TVP23C: variants seen among roughly 807,000 people sequenced by gnomAD.
TVP23C encodes the protein Golgi apparatus membrane protein TVP23 homolog C.
A neutral mutation model predicts 28.7 loss-of-function variants in TVP23C; 19 were observed. That is an observed-to-expected ratio of 0.66 (90% CI 0.46 to 0.97). TVP23C has a LOEUF of 0.97. Ranked by LOEUF, TVP23C falls within the 50% of genes least tolerant of loss-of-function variation. TVP23C has a pLI of 0.00. For synonymous variants in TVP23C, 68 were observed against 81.7 expected, an observed-to-expected ratio of 0.83 and a Z score of 0.90; for missense variants, 186 against 241.3, an observed-to-expected ratio of 0.77 and a Z score of 1.52.
chr17:15,503,173 G>A (rs751655930), exon 6 of TVP23C: 5 of 1,585,754 alleles, frequency 3.2e-6, no homozygotes, highest in Non-Finnish European at 2.6e-6. Flanking sequence ...AGGCGGAAGC[G>A]GGAGGATCTC....
chr17:15,559,020 C>T (rs1180127670), intron 1 of TVP23C, among the ~76,000 whole-genome samples: 2 of 123,732 alleles, frequency 1.6e-5, no homozygotes, highest in African/African-American at 5.1e-5. Context: ...GAAATAGGGT[C>T]TCGTTATGTT....
At chr17:15,512,152 T>C (rs990858642) in intron 5 of TVP23C, among the ~76,000 whole-genome samples, 15 of 152,212 alleles carry the variant, frequency 9.9e-5, no homozygotes, top group Non-Finnish European at 1.8e-4. Flanking sequence ...ACATGGTTAT[T>C]GGAAGGACCA....
chr17:15,555,043 A>T (rs538598362), intron 2 of TVP23C, among the ~76,000 whole-genome samples: 1 of 152,268 alleles, frequency 6.6e-6, no homozygotes, highest in Non-Finnish European at 1.5e-5. Context: ...GCACAGAATT[A>T]AAAACACAGG....
At chr17:15,526,427 C>T (rs1982730972) in intron 5 of TVP23C, among the ~76,000 whole-genome samples, 1 of 152,140 alleles carries the variant, frequency 6.6e-6, no homozygotes, top group Non-Finnish European at 1.5e-5. Flanking sequence ...CAGGGTTTGC[C>T]GAGATCAGGA....
Position 15,560,394 on chromosome 17 carries a change from G to A in TVP23C, c.12+3043C>T, listed in dbSNP as rs535647035. On this transcript the variant is annotated intron_variant, in intron 1 of 5. Transcript: ENST00000518321. ...ACTGTATTTTTAACAGGTCATCGGG[G>A]AACTCAGTAAGAGCAGTTCCAGTAC... Among the ~76,000 whole-genome samples, 6 of 149,382 alleles carry A rather than the reference G, an allele frequency of 4.0e-5. No homozygotes were observed. In the East Asian group the frequency reaches 1.2e-3, roughly 29 times the overall value.
chr17:15,548,891 A>G (rs1262815747), intron 3 of TVP23C, among the ~76,000 whole-genome samples: 3 of 152,246 alleles, frequency 2.0e-5, no homozygotes, highest in Non-Finnish European at 2.9e-5. Context: ...TAGAACAATT[A>G]TAACAACATA....
chr17:15,524,711 A>ACCCC (rs199792749), intron 5 of TVP23C, among the ~76,000 whole-genome samples: 39,407 of 151,834 alleles, frequency 0.26, 5,822 homozygotes, highest in African/African-American at 0.41. Flanking sequence ...TCCCAGAGGG[A>ACCCC]TGCACACAGT....
At chr17:15,554,306 C>G (rs1285150985) in intron 2 of TVP23C, among the ~76,000 whole-genome samples, 4 of 145,192 alleles carry the variant, frequency 2.8e-5, no homozygotes, top group Non-Finnish European at 6.0e-5. Flanking sequence ...GGCGCAATCT[C>G]GGCTCACTGC....
At chr17:15,549,736 A>C (rs1361973148) in intron 3 of TVP23C, among the ~76,000 whole-genome samples, 3 of 152,138 alleles carry the variant, frequency 2.0e-5, no homozygotes, top group Non-Finnish European at 4.4e-5. Flanking sequence ...AACGTCAAGA[A>C]GACACATGGA....
intron 1 of TVP23C, among the ~76,000 whole-genome samples, chr17:15,560,618 C>T (rs1329055488): frequency 6.7e-6 from 1 of 148,564 alleles, no homozygotes; most frequent in African/African-American, 2.4e-5. Context: ...TGCAGTGGCA[C>T]GATCTCGGCT....
intron 5 of TVP23C, chr17:15,503,276 G>A: frequency 1.2e-5 from 18 of 1,445,644 alleles, no homozygotes; most frequent in Non-Finnish European, 1.6e-5. Flanking sequence ...GTGTAGTGGC[G>A]CGCCTGTGGT....
exon 6 of TVP23C, chr17:15,502,798 C>T (rs1981519978): frequency 6.8e-7 from 1 of 1,462,356 alleles, no homozygotes; most frequent in East Asian, 2.3e-5. Flanking sequence ...TCTCTCCTCT[C>T]TCCTCTCTCT....
intron 5 of TVP23C, among the ~76,000 whole-genome samples, chr17:15,520,292 A>G (rs1206645969): frequency 1.3e-5 from 2 of 149,978 alleles, no homozygotes; most frequent in African/African-American, 5.0e-5. Flanking sequence ...ATTGCCCCTC[A>G]GTCTTCCCTA....
At chr17:15,517,740 TC>T (rs1487780706) in intron 5 of TVP23C, among the ~76,000 whole-genome samples, 1 of 152,004 alleles carries the variant, frequency 6.6e-6, no homozygotes, top group African/African-American at 2.4e-5. Flanking sequence ...GGAAGCCACA[TC>T]CGATAAAGGT....
chr17:15,513,475 T>C (rs892474682), intron 5 of TVP23C, among the ~76,000 whole-genome samples: 2 of 152,174 alleles, frequency 1.3e-5, no homozygotes, highest in South Asian at 2.1e-4. Flanking sequence ...CAGCCTGAGA[T>C]GGGGGATTGA....
chr17:15,546,492 GCC>G (rs1409807715), intron 4 of TVP23C, among the ~76,000 whole-genome samples: 1 of 151,634 alleles, frequency 6.6e-6, no homozygotes, highest in Non-Finnish European at 1.5e-5. Context: ...GTGTACTGTC[GCC>G]AAGAATTTGG....
intron 3 of TVP23C, among the ~76,000 whole-genome samples, chr17:15,549,866 G>A (rs990499529): frequency 3.3e-5 from 5 of 151,666 alleles, no homozygotes; most frequent in African/African-American, 9.7e-5. Context: ...GGGAATACAG[G>A]AGAAGAAAAG....
chr17:15,555,405 C>T lies in TVP23C; in HGVS notation c.13-41G>A, dbSNP rs950084461. The T allele has an allele frequency of 4.3e-6, 7 of 1,613,436 alleles. No homozygotes were observed. The African/African-American group carries it at 5.3e-5, about 12-fold the overall frequency. On this transcript the variant is annotated intron_variant, in intron 1 of 5. Coordinates refer to ENST00000518321, the MANE Select transcript of TVP23C (RefSeq NM_001135036.2). ...AATGGTCAAGAAGCAAAACAAAATT[C>T]AGTGTTTACACAGCCACTGCAATGC...
exon 6 of TVP23C, chr17:15,503,171 G>T (rs1981562089): frequency 1.9e-6 from 3 of 1,588,026 alleles, no homozygotes; most frequent in Non-Finnish European, 2.6e-6. Flanking sequence ...GAAGGCGGAA[G>T]CGGGAGGATC....
Sources: gnomAD v4.1 joint callset for allele counts (sites outside exome capture counted in the v4.1 genomes callset) on GRCh38, gnomAD v4.1.1 for gene constraint, MANE v1.5 for transcripts, NCBI Gene and HGNC (gene_info 2026-07-23, HGNC 2026-07-21) for gene names.